Variants in LSAMP observed in about 807,000 individuals in gnomAD.
LSAMP encodes limbic system-associated membrane protein.
In LSAMP, 7 loss-of-function variants were observed where a neutral mutation model predicts 38.6. The observed-to-expected ratio is 0.18, with a 90% confidence interval of 0.10 to 0.34. LSAMP has a LOEUF of 0.34. Ranked by LOEUF, LSAMP falls within the 10% of genes least tolerant of loss-of-function variation. The pLI, the probability that LSAMP is intolerant of heterozygous loss-of-function variation, is 1.00. For synonymous variants in LSAMP, 154 were observed against 166.8 expected, an observed-to-expected ratio of 0.92 and a Z score of 0.59; for missense variants, 313 against 420.0, an observed-to-expected ratio of 0.75 and a Z score of 2.23.
intron 3 of LSAMP, among the ~76,000 whole-genome samples, chr3:115,860,614 G>A (rs2107534269): frequency 6.6e-6 from 1 of 152,186 alleles, no homozygotes; most frequent in Non-Finnish European, 1.5e-5. Context: ...AATAAATGAG[G>A]GGAAAAAAGT....
At chr3:115,827,386 T>C (rs957009454) in intron 6 of LSAMP, among the ~76,000 whole-genome samples, 9 of 152,084 alleles carry the variant, frequency 5.9e-5, no homozygotes, top group African/African-American at 2.2e-4. Flanking sequence ...CAAATGTCTT[T>C]TTAGGCTTTT....
At chr3:116,177,057 G>C (rs1203271186) in intron 1 of LSAMP, among the ~76,000 whole-genome samples, 2 of 152,074 alleles carry the variant, frequency 1.3e-5, no homozygotes, top group Non-Finnish European at 2.9e-5. Flanking sequence ...GGCAAAAGTA[G>C]TAGCTTTTCT....
chr3:115,870,629 C>T (rs868292939), intron 3 of LSAMP, among the ~76,000 whole-genome samples: 3 of 152,166 alleles, frequency 2.0e-5, no homozygotes, highest in Non-Finnish European at 4.4e-5. Flanking sequence ...TTTTGATGTA[C>T]ACACTCACTG....
intron 2 of LSAMP, among the ~76,000 whole-genome samples, chr3:116,081,419 A>C (rs1011451551): frequency 6.6e-6 from 1 of 151,562 alleles, no homozygotes; most frequent in Non-Finnish European, 1.5e-5. Flanking sequence ...GTGCCACTGC[A>C]CTCCAGCCTG....
At chr3:116,074,011 G>A (rs1027470449) in intron 2 of LSAMP, among the ~76,000 whole-genome samples, 1 of 152,144 alleles carries the variant, frequency 6.6e-6, no homozygotes, top group African/African-American at 2.4e-5. Context: ...CACCAACAAC[G>A]TGGCCCTGGA....
At chr3:116,377,373 T>C (rs2048507172) in intron 1 of LSAMP, among the ~76,000 whole-genome samples, 1 of 152,106 alleles carries the variant, frequency 6.6e-6, no homozygotes, top group African/African-American at 2.4e-5. Flanking sequence ...GTTAATTGGC[T>C]TCCAGCTCCA....
chr3:115,927,860 A>G (rs1937520003), intron 3 of LSAMP, among the ~76,000 whole-genome samples: 1 of 152,184 alleles, frequency 6.6e-6, no homozygotes, highest in Non-Finnish European at 1.5e-5. Context: ...CCATTTAAAG[A>G]GCAACCTTGC....
chr3:116,240,519 C>G (rs2046518916), intron 1 of LSAMP, among the ~76,000 whole-genome samples: 1 of 152,142 alleles, frequency 6.6e-6, no homozygotes, highest in Admixed American at 6.5e-5. Flanking sequence ...CACAATGTCT[C>G]CCCTAGAGAA....
At chr3:115,895,412 C>T (rs1274506415) in intron 3 of LSAMP, among the ~76,000 whole-genome samples, 1 of 152,032 alleles carries the variant, frequency 6.6e-6, no homozygotes, top group Non-Finnish European at 1.5e-5. Context: ...AGGGTCTCCA[C>T]AGGGATGGCA....
chr3:115,874,007 A>G (rs1400708378), intron 3 of LSAMP, among the ~76,000 whole-genome samples: 1 of 152,132 alleles, frequency 6.6e-6, no homozygotes, highest in Non-Finnish European at 1.5e-5. Context: ...TAAGAAATAT[A>G]TTACACTCTG....
chr3:116,255,857 CA>C, intron 1 of LSAMP, among the ~76,000 whole-genome samples: 1 of 152,246 alleles, frequency 6.6e-6, no homozygotes, highest in South Asian at 2.1e-4. Context: ...ATGCTAGAGG[CA>C]AAAACCACAC....
chr3:115,961,507 T>C (rs906222390), intron 3 of LSAMP, among the ~76,000 whole-genome samples: 6 of 152,216 alleles, frequency 3.9e-5, no homozygotes, highest in African/African-American at 1.2e-4. Flanking sequence ...ATTCACAGTG[T>C]ATGTCACCAC....
At chr3:116,408,913 T>C (rs559964327) in intron 1 of LSAMP, among the ~76,000 whole-genome samples, 134 of 152,190 alleles carry the variant, frequency 8.8e-4, no homozygotes, top group African/African-American at 3.0e-3. Context: ...TGTGGTCCAG[T>C]GCCTACCCAT....
intron 1 of LSAMP, among the ~76,000 whole-genome samples, chr3:116,351,862 T>C (rs2048144935): frequency 6.6e-6 from 1 of 152,118 alleles, no homozygotes; most frequent in Non-Finnish European, 1.5e-5. Flanking sequence ...AACAAAAGTA[T>C]ATCTCATTGC....
intron 1 of LSAMP, among the ~76,000 whole-genome samples, chr3:116,202,924 GAC>G (rs2046007207): frequency 3.3e-5 from 5 of 152,150 alleles, no homozygotes; most frequent in Admixed American, 3.3e-4. Flanking sequence ...TAGAGGAAAG[GAC>G]ACATAGAAAT....
intron 3 of LSAMP, among the ~76,000 whole-genome samples, chr3:115,971,004 G>A (rs1939000413): frequency 6.6e-6 from 1 of 152,168 alleles, no homozygotes; most frequent in Non-Finnish European, 1.5e-5. Context: ...GTGACAGACA[G>A]AGTAATGGGA....
intron 3 of LSAMP, among the ~76,000 whole-genome samples, chr3:115,952,823 T>C (rs1282060395): frequency 6.6e-6 from 1 of 152,122 alleles, no homozygotes; most frequent in Non-Finnish European, 1.5e-5. Flanking sequence ...TGTCAAAATA[T>C]GTAAAAGTAA....
chr3:115,936,792 T>C (rs985560606), intron 3 of LSAMP, among the ~76,000 whole-genome samples: 2 of 152,034 alleles, frequency 1.3e-5, no homozygotes, highest in Non-Finnish European at 2.9e-5. Context: ...GAAATACATA[T>C]AATGGAGCAA....
intron 3 of LSAMP, among the ~76,000 whole-genome samples, chr3:115,977,714 A>G (rs72957757): frequency 0.28 from 41,640 of 149,960 alleles, 7,018 homozygotes; most frequent in African/African-American, 0.48. Context: ...AGCAGGAATG[A>G]ATACAACAGA....
Sources: allele counts gnomAD v4.1 joint callset (sites outside exome capture counted in the v4.1 genomes callset), GRCh38; gene constraint gnomAD v4.1.1; transcripts MANE v1.5; gene names NCBI Gene and HGNC (gene_info 2026-07-23, HGNC 2026-07-21).